CUX2: variants seen among roughly 807,000 people sequenced by gnomAD.
The protein encoded by CUX2 is homeobox protein cut-like 2.
CUX2 carries 40 observed loss-of-function variants against 144.8 expected under a neutral mutation model. The ratio of observed to expected loss-of-function variants is 0.28; its 90% confidence interval spans 0.21 to 0.36. CUX2 has a LOEUF of 0.36. Ranked by LOEUF, CUX2 falls within the 10% of genes least tolerant of loss-of-function variation. The pLI, the probability that CUX2 is intolerant of heterozygous loss-of-function variation, is 1.00. For synonymous variants in CUX2, 827 were observed against 875.6 expected (o/e 0.94, Z 0.98); for missense variants, 1,615 against 1,994.0 (o/e 0.81, Z 3.62).
rs1469255117 is a variant in CUX2, at chr12:111,310,360, C to T, written c.1578C>T (p.Gly526=). The change falls in exon 15 of 22, where the codon GGC becomes GGT. Residue 526 remains glycine (G), a synonymous_variant. Coordinates refer to ENST00000261726, the MANE Select transcript of CUX2 (RefSeq NM_015267.4). The surrounding 1 kb of genome is among the most constrained non-coding windows in gnomAD (Gnocchi z 7.9). ...CAGCCCCTGCCACCCCGGCCCCTGG[C>T]CCTGAGCCACTGGGCGGTCCTGAGC... ...PPTAPATPAP[G]PEPLGGPEPA... is the part of the protein sequence containing the mutation. 1 of 1,579,254 alleles carries T rather than the reference C, an allele frequency of 6.3e-7. No individual in the cohort carries two copies. Among genetic ancestry groups the T allele is most frequent in the Non-Finnish European group, 8.6e-7 (1 of 1,159,096 alleles).
At chr12:111,284,896 C>T (rs151320422) in intron 4 of CUX2, among the ~76,000 whole-genome samples, 1 of 152,284 alleles carries the variant, frequency 6.6e-6, no homozygotes, top group East Asian at 1.9e-4. Context: ...AACCTTAGAG[C>T]CTGTTTCCTC....
intron 1 of CUX2, among the ~76,000 whole-genome samples, chr12:111,050,891 G>A (rs186125872): frequency 1.3e-5 from 2 of 152,282 alleles, no homozygotes; most frequent in African/African-American, 4.8e-5. Context: ...TGGTTAATGG[G>A]TACAAACATA....
chr12:111,271,864 A>C (rs1490631017), intron 4 of CUX2, among the ~76,000 whole-genome samples: 1 of 152,196 alleles, frequency 6.6e-6, no homozygotes, highest in East Asian at 1.9e-4. Context: ...TATATGGGGG[A>C]TATTAACCTT....
intron 1 of CUX2, among the ~76,000 whole-genome samples, chr12:111,090,883 G>A (rs750010496): frequency 4.0e-5 from 6 of 151,856 alleles, no homozygotes; most frequent in Non-Finnish European, 8.8e-5. Context: ...CTCAGGAGAG[G>A]CACTGAGAAA....
intron 1 of CUX2, among the ~76,000 whole-genome samples, chr12:111,119,972 A>C (rs907325344): frequency 6.6e-6 from 1 of 152,190 alleles, no homozygotes; most frequent in Non-Finnish European, 1.5e-5. Flanking sequence ...GCAGGAGAAT[A>C]GTTTGCACCT....
At chr12:111,203,251 A>G (rs1370192476) in intron 1 of CUX2, among the ~76,000 whole-genome samples, 1 of 151,514 alleles carries the variant, frequency 6.6e-6, no homozygotes, top group Non-Finnish European at 1.5e-5. Flanking sequence ...AAAAAAAAAA[A>G]AAATCAGTAA....
intron 1 of CUX2, among the ~76,000 whole-genome samples, chr12:111,157,932 C>T (rs1016658466): frequency 6.6e-6 from 1 of 152,046 alleles, no homozygotes; most frequent in African/African-American, 2.4e-5. Flanking sequence ...TCCATGAGAC[C>T]ACATGAATGC....
rs559864252 is a variant in CUX2 at position 111,310,125 on chromosome 12, C to T, written c.1343C>T (p.Pro448Leu). Residue 448 changes from proline (P) to leucine (L), a missense_variant, in exon 15 of 22, where the codon CCA becomes CTA. By Grantham distance (98) the Pro-to-Leu change is moderately conservative. This residue lies in a region of CUX2 where 154 missense variants were observed against 148.4 expected (regional missense o/e 1.04). Coordinates refer to ENST00000261726, the MANE Select transcript of CUX2 (RefSeq NM_015267.4). This position sits in a 1 kb window ranked among gnomAD's most constrained non-coding sequence, Gnocchi z 7.9. ...SYPSPQQLPP[P>L]PGPEDPLSPS... The stretch of plus-strand genomic sequence containing the variant: ...CCCTCCCCTCAGCAGCTCCCACCTC[C>T]ACCAGGGCCAGAAGACCCCCTGTCT... 5 of 1,502,652 alleles carry T rather than the reference C, an allele frequency of 3.3e-6. 1 individual carries two copies. The South Asian group carries it at 5.4e-5, about 16-fold the overall frequency. The allele number at this position is 1,502,652 out of a possible 1,614,324, so 93.1% of individuals were successfully genotyped here.
At chr12:111,090,226 C>T (rs1266408914) in intron 1 of CUX2, among the ~76,000 whole-genome samples, 1 of 152,140 alleles carries the variant, frequency 6.6e-6, no homozygotes, top group Non-Finnish European at 1.5e-5. Context: ...CTCAGGTGAG[C>T]GAGGTTTCTG....
chr12:111,093,669 G>T (rs559501277), intron 1 of CUX2, among the ~76,000 whole-genome samples: 1 of 152,208 alleles, frequency 6.6e-6, no homozygotes, highest in Non-Finnish European at 1.5e-5. Flanking sequence ...TGAGCTTTTA[G>T]GGGGAAGTCC....
intron 3 of CUX2, among the ~76,000 whole-genome samples, chr12:111,236,428 A>G (rs1418891527): frequency 6.6e-6 from 1 of 152,194 alleles, no homozygotes; most frequent in Non-Finnish European, 1.5e-5. Context: ...TGCCTGTTGT[A>G]GAGATGAGTG....
At chr12:111,113,585 C>A (rs1019599234) in intron 1 of CUX2, among the ~76,000 whole-genome samples, 4 of 152,226 alleles carry the variant, frequency 2.6e-5, no homozygotes, top group Non-Finnish European at 5.9e-5. Context: ...GACAGAGTCT[C>A]GCTCTGTCAC....
rs1886860390 is a variant in CUX2, at chr12:111,310,810, G to A, written c.1900+128G>A. On this transcript the variant is annotated intron_variant, in intron 15 of 21. Transcript: ENST00000261726. The surrounding 1 kb of genome is among the most constrained non-coding windows in gnomAD (Gnocchi z 7.9). ...ACCACCACCTGGCTGTGTGACCCAGGGCCAGTGGCTTTGCCTGTCTGTGCC... is the reference window on the plus strand; with the variant it reads ...ACCACCACCTGGCTGTGTGACCCAGAGCCAGTGGCTTTGCCTGTCTGTGCC... 3 of 1,094,532 alleles carry A rather than the reference G, an allele frequency of 2.7e-6. No individual in the cohort carries two copies. The highest frequency in any genetic ancestry group is 2.6e-5 in the East Asian group (1 of 38,084). The allele number at this position is 1,094,532 out of a possible 1,614,324, so 67.8% of individuals were successfully genotyped here.
chr12:111,055,897 G>A (rs1201418297), intron 1 of CUX2, among the ~76,000 whole-genome samples: 3 of 152,224 alleles, frequency 2.0e-5, no homozygotes, highest in South Asian at 2.1e-4. Context: ...GCTGGGAGTC[G>A]GGCTGATCGC....
intron 19 of CUX2, among the ~76,000 whole-genome samples, chr12:111,335,932 A>G (rs1037390051): frequency 6.6e-6 from 1 of 151,984 alleles, no homozygotes; most frequent in Non-Finnish European, 1.5e-5. Context: ...AAAAAAAAAA[A>G]AGACAAAAGT....
chr12:111,091,251 C>T (rs186918931), intron 1 of CUX2, among the ~76,000 whole-genome samples: 33 of 152,326 alleles, frequency 2.2e-4, no homozygotes, highest in South Asian at 1.2e-3. Flanking sequence ...TGGACTTGGC[C>T]CCAGGAGGTT....
In CUX2 at chr12:111,320,727, G is replaced by A. The variant is rs202035426; in HGVS notation, c.2718G>A (p.Lys906=). ...VDTLELTRQV[K]EKLAKNGICQ... ...CGCTGGAGCTCACCCGCCAGGTCAA[G>A]GAGAAGCTGGCCAAGAACGGCATCT... is the stretch of plus-strand genomic sequence containing the variant. The change falls in exon 17 of 22, where the codon AAG becomes AAA. Residue 906 remains lysine (K), a synonymous_variant. Coordinates refer to ENST00000261726, the MANE Select transcript of CUX2 (RefSeq NM_015267.4). This position sits in a 1 kb window ranked among gnomAD's most constrained non-coding sequence, Gnocchi z 8.1. 5.4e-5 allele frequency: 86 copies of A among 1,586,670 alleles called. No individual in the cohort carries two copies. The African/African-American group carries it at 9.7e-4, about 18-fold the overall frequency.
chr12:111,193,683 G>A (rs1208216587), intron 1 of CUX2, among the ~76,000 whole-genome samples: 1 of 152,198 alleles, frequency 6.6e-6, no homozygotes, highest in Non-Finnish European at 1.5e-5. Context: ...CTGGAGGTGT[G>A]GGGGCTGCGG....
intron 18 of CUX2, among the ~76,000 whole-genome samples, chr12:111,328,889 C>T (rs553825292): frequency 3.7e-4 from 54 of 147,222 alleles, no homozygotes; most frequent in African/African-American, 1.4e-3. Context: ...CACCCAGTCA[C>T]CTCCATTGTC....
Sources: allele counts gnomAD v4.1 joint callset (sites outside exome capture counted in the v4.1 genomes callset), GRCh38; gene constraint gnomAD v4.1.1; regional missense constraint gnomAD v4.1.1; non-coding constraint Gnocchi (gnomAD v3.1); transcripts MANE v1.5; gene names NCBI Gene and HGNC (gene_info 2026-07-23, HGNC 2026-07-21).